Variants in FAAH2 observed in about 807,000 individuals in gnomAD.
The protein encoded by FAAH2 is fatty acid amide hydrolase 2.
Under a neutral mutation model 36.9 loss-of-function variants are expected in FAAH2, and 60 were observed. The observed-to-expected ratio is 1.63, with a 90% CI of 1.32 to 2.02. The LOEUF is 2.02. Among genes scored for constraint, FAAH2 ranks in the 30% most tolerant of loss-of-function variants. The pLI is 0.00. For missense variants in FAAH2, 689 were observed against 397.5 expected, an observed-to-expected ratio of 1.73 and a Z score of -6.23; for synonymous variants, 214 against 143.8, an observed-to-expected ratio of 1.49 and a Z score of -3.49.
the FAAH2 span, among the ~76,000 whole-genome samples, chrX:57,254,540 C>T: frequency 0.019 from 2,103 of 111,815 alleles, 51 homozygotes; most frequent in African/African-American, 0.064. Context: ...CACTCCTCAG[C>T]AAATGTAAAA....
chrX:57,288,631 T>A (rs2051889834), intron 1 of FAAH2, among the ~76,000 whole-genome samples: 1 of 110,763 alleles, frequency 9.0e-6, no homozygotes, highest in African/African-American at 3.3e-5. Context: ...ATTACAGGTG[T>A]GAGCCACTGC....
intron 10 of FAAH2, among the ~76,000 whole-genome samples, chrX:57,462,170 A>AG (rs879909749): frequency 7.7e-5 from 8 of 103,638 alleles, no homozygotes; most frequent in African/African-American, 2.8e-4. Flanking sequence ...GCCTACAAAA[A>AG]AAAAAAAAAA....
At chrX:57,250,389 A>T in the FAAH2 span, among the ~76,000 whole-genome samples, 1 of 111,792 alleles carries the variant, frequency 8.9e-6, no homozygotes, top group Admixed American at 9.5e-5. Flanking sequence ...GAGGTGAAAC[A>T]TTATGGCATT....
At chrX:57,386,025 CAG>C (rs1376408211) in intron 7 of FAAH2, among the ~76,000 whole-genome samples, 1 of 111,323 alleles carries the variant, frequency 9.0e-6, no homozygotes, top group Non-Finnish European at 1.9e-5. Flanking sequence ...TATAAAAACT[CAG>C]TGGATTTTTA....
intron 5 of FAAH2, among the ~76,000 whole-genome samples, chrX:57,361,748 G>C (rs1401774224): frequency 9.0e-6 from 1 of 111,643 alleles, no homozygotes; most frequent in African/African-American, 3.2e-5. Context: ...TGAGAAGGTT[G>C]TGTATTTTGC....
At chrX:57,301,008 T>C (rs894829629) in intron 2 of FAAH2, among the ~76,000 whole-genome samples, 4 of 111,049 alleles carry the variant, frequency 3.6e-5, no homozygotes, top group Non-Finnish European at 7.6e-5. Flanking sequence ...TTTTACAATG[T>C]TGGTGGGACT....
intron 5 of FAAH2, among the ~76,000 whole-genome samples, chrX:57,364,867 G>A (rs768856859): frequency 1.3e-4 from 15 of 111,188 alleles, no homozygotes; most frequent in African/African-American, 4.6e-4. Flanking sequence ...TGGTTTTGAG[G>A]GATTGTCTTG....
At chrX:57,360,852 G>A (rs1951326548) in intron 5 of FAAH2, among the ~76,000 whole-genome samples, 1 of 110,286 alleles carries the variant, frequency 9.1e-6, no homozygotes, top group South Asian at 3.9e-4. Flanking sequence ...ACAGGCCCCG[G>A]TGTGTGTTGT....
intron 8 of FAAH2, among the ~76,000 whole-genome samples, chrX:57,432,962 T>C (rs2056335530): frequency 9.3e-6 from 1 of 106,992 alleles, no homozygotes; most frequent in Non-Finnish European, 1.9e-5. Flanking sequence ...CACGACCCTC[T>C]CTACCTTAAA....
chrX:57,446,342 G>A (rs1375116986), intron 8 of FAAH2, among the ~76,000 whole-genome samples: 1 of 111,628 alleles, frequency 9.0e-6, no homozygotes, highest in Non-Finnish European at 1.9e-5. Context: ...GTTTAATTTG[G>A]TGTTCTTGCA....
the FAAH2 span, among the ~76,000 whole-genome samples, chrX:57,156,390 T>C: frequency 8.9e-6 from 1 of 111,950 alleles, no homozygotes; most frequent in East Asian, 2.8e-4. Context: ...TAGTGTCTTA[T>C]TTAGTTCATT....
intron 7 of FAAH2, among the ~76,000 whole-genome samples, chrX:57,420,790 T>C (rs1443215689): frequency 9.1e-6 from 1 of 109,565 alleles, no homozygotes. Flanking sequence ...AGCATCCCTG[T>C]CTTGTGCCAG....
the FAAH2 span, among the ~76,000 whole-genome samples, chrX:57,179,719 G>A: frequency 1.8e-5 from 2 of 111,169 alleles, no homozygotes; most frequent in Non-Finnish European, 3.8e-5. Context: ...TCAAGGCCCA[G>A]AATTAACAAA....
At chrX:57,487,057 T>A (rs766483593) in intron 10 of FAAH2, among the ~76,000 whole-genome samples, 9 of 111,447 alleles carry the variant, frequency 8.1e-5, no homozygotes, top group Non-Finnish European at 1.5e-4. Flanking sequence ...ATCAAATGGT[T>A]CTAGGACAAC....
intron 2 of FAAH2, among the ~76,000 whole-genome samples, chrX:57,304,261 T>C (rs746422697): frequency 3.6e-5 from 4 of 111,949 alleles, no homozygotes; most frequent in African/African-American, 9.7e-5. Flanking sequence ...GCTAACTCTA[T>C]CAGTTTGGGC....
chrX:57,398,376 G>A (rs1216571854), intron 7 of FAAH2, among the ~76,000 whole-genome samples: 4 of 111,552 alleles, frequency 3.6e-5, no homozygotes, highest in Non-Finnish European at 7.5e-5. Flanking sequence ...CAGAATTTCT[G>A]GTATCGGGAT....
At chrX:57,364,800 T>G (rs1385508693) in intron 5 of FAAH2, among the ~76,000 whole-genome samples, 1 of 111,636 alleles carries the variant, frequency 9.0e-6, no homozygotes, top group Non-Finnish European at 1.9e-5. Flanking sequence ...TGCTTTACTT[T>G]CAATCTTAAC....
At chrX:57,137,593 G>A in the FAAH2 span, 2 of 115,726 alleles carry the variant, frequency 1.7e-5, no homozygotes, top group African/African-American at 6.5e-5. Context: ...GAGCAGATCT[G>A]CCTTTCTTTT....
At chrX:57,202,770 G>A in the FAAH2 span, among the ~76,000 whole-genome samples, 1 of 111,870 alleles carries the variant, frequency 8.9e-6, no homozygotes, top group Non-Finnish European at 1.9e-5. Flanking sequence ...TGTCATCTGG[G>A]ACCCAGAGAC....
Sources: allele counts gnomAD v4.1 joint callset (sites outside exome capture counted in the v4.1 genomes callset), GRCh38; gene constraint gnomAD v4.1.1; transcripts MANE v1.5; gene names NCBI Gene and HGNC (gene_info 2026-07-23, HGNC 2026-07-21).